Variants in NVL observed in about 807,000 individuals in gnomAD.
NVL encodes the protein nuclear valosin-containing protein-like.
Under a neutral mutation model 110.2 loss-of-function variants are expected in NVL, and 84 were observed. The ratio of observed to expected loss-of-function variants is 0.76; its 90% CI spans 0.64 to 0.91. NVL has a LOEUF of 0.91. NVL is among the 40% of genes least tolerant of loss of function. The pLI, the probability that NVL is intolerant of heterozygous loss-of-function variation, is 0.00. For synonymous variants in NVL, 354 were observed against 361.1 expected, an observed-to-expected ratio of 0.98 and a Z score of 0.22; for missense variants, 882 against 1,035.9, an observed-to-expected ratio of 0.85 and a Z score of 2.04.
intron 20 of NVL, 76 bp from the exon 21 acceptor site, chr1:224,233,365 C>A: frequency 1.0e-6 from 1 of 991,970 alleles, no homozygotes; most frequent in East Asian, 2.7e-5. Flanking sequence ...AAACAGTTTT[C>A]ATATAAGTCA....
intron 6 of NVL, among the ~76,000 whole-genome samples, chr1:224,306,953 A>G (rs1256633834): frequency 1.3e-5 from 2 of 152,008 alleles, no homozygotes; most frequent in Admixed American, 6.5e-5. Flanking sequence ...CTATTAATAA[A>G]TAAAAAGGGG....
At chr1:224,247,200 C>T (rs539282215) in intron 19 of NVL, among the ~76,000 whole-genome samples, 14 of 151,948 alleles carry the variant, frequency 9.2e-5, no homozygotes, top group Non-Finnish European at 1.8e-4. Context: ...CATTTTGAGT[C>T]GGATAATACT....
intron 19 of NVL, among the ~76,000 whole-genome samples, chr1:224,247,497 C>T (rs1294247302): frequency 7.9e-5 from 12 of 151,964 alleles, no homozygotes; most frequent in African/African-American, 2.7e-4. Context: ...GGTGAAACCC[C>T]GTCTCTACTA....
intron 11 of NVL, among the ~76,000 whole-genome samples, chr1:224,295,228 T>C (rs1667761754): frequency 6.6e-6 from 1 of 152,098 alleles, no homozygotes; most frequent in African/African-American, 2.4e-5. Context: ...AGTCTCGCTC[T>C]GTCGCCCAGG....
At chr1:224,303,640 G>A in intron 9 of NVL, 83 bp downstream of exon 9, 1 of 1,451,200 alleles carries the variant, frequency 6.9e-7, no homozygotes, top group East Asian at 2.3e-5. Flanking sequence ...GCCATGTCTG[G>A]TTTAAGTTGA....
chr1:224,318,518 C>T (rs1393469066), intron 2 of NVL, among the ~76,000 whole-genome samples: 7 of 151,498 alleles, frequency 4.6e-5, no homozygotes, highest in Admixed American at 3.3e-4. Context: ...GGGAGAACAG[C>T]TTGAGTCTGG....
chr1:224,241,557 C>T (rs1661192928), intron 19 of NVL, among the ~76,000 whole-genome samples: 1 of 151,848 alleles, frequency 6.6e-6, no homozygotes. Context: ...GGAAAATAGT[C>T]TCTTAAGGAA....
At chr1:224,277,241 G>T (rs1378838839) in intron 16 of NVL, among the ~76,000 whole-genome samples, 1 of 152,118 alleles carries the variant, frequency 6.6e-6, no homozygotes, top group East Asian at 1.9e-4. Context: ...GTCCTATTCA[G>T]ATTTTTCTGT....
At chr1:224,277,934 T>C (rs1558294545) in intron 16 of NVL, among the ~76,000 whole-genome samples, 1 of 152,206 alleles carries the variant, frequency 6.6e-6, no homozygotes, top group Admixed American at 6.5e-5. Flanking sequence ...CGGTCTCCTT[T>C]ACCAGATCTT....
In NVL at chr1:224,228,692, C is replaced by A. The variant is rs185661878; in HGVS notation, c.2527-1022G>T. Among the ~76,000 whole-genome samples, 379 of 150,198 alleles carry A rather than the reference C, an allele frequency of 2.5e-3. 1 individual carries two copies. The highest frequency in any genetic ancestry group is 8.4e-3 in the African/African-American group (346 of 41,190). On this transcript the variant is annotated intron_variant, in intron 22 of 22. Coordinates refer to ENST00000281701, the MANE Select transcript of NVL (RefSeq NM_002533.4). ...CGGTGGCTCACACCTGTAATCCCAGCACTTTGGGAGGCTGAGATGGGTGGA... is the reference window on the plus strand; with the variant it reads ...CGGTGGCTCACACCTGTAATCCCAGAACTTTGGGAGGCTGAGATGGGTGGA...
At chr1:224,265,884 C>T (rs1664452319) in intron 18 of NVL, among the ~76,000 whole-genome samples, 1 of 152,214 alleles carries the variant, frequency 6.6e-6, no homozygotes, top group African/African-American at 2.4e-5. Context: ...CCTCCTGTCT[C>T]AACCTCGTAA....
At position 224,227,554 on chromosome 1, in the gene NVL, G is replaced by A; in HGVS notation, c.*72C>T. ...CGCGCCTGTGTCCAGCTGAAAGTGG[G>A]TCCTTCAGAGCGTGTGGGGGATTCT... On this transcript the variant is annotated 3_prime_UTR_variant, in exon 23 of 23. Transcript: ENST00000281701. The A allele has an allele frequency of 1.4e-6, 2 of 1,393,648 alleles. No individual in the cohort carries two copies. Among genetic ancestry groups the A allele is most frequent in the Non-Finnish European group, 2.0e-6 (2 of 1,001,748 alleles). 86.3% of individuals were successfully genotyped at this position (1,393,648 alleles called of 1,614,324 possible).
chr1:224,322,215 A>G (rs6426109), intron 2 of NVL, among the ~76,000 whole-genome samples: 150,325 of 151,756 alleles, frequency 0.99, 74,476 homozygotes, highest in East Asian at 1. Flanking sequence ...TGAGTAGCTA[A>G]GACAGACTAC....
chr1:224,281,747 G>A (rs530478396), intron 15 of NVL, among the ~76,000 whole-genome samples: 1 of 151,556 alleles, frequency 6.6e-6, no homozygotes, highest in Admixed American at 6.6e-5. Flanking sequence ...GAGGTCAGGA[G>A]TTTGAGACCA....
chr1:224,275,236 C>T, intron 17 of NVL, 103 bp downstream of exon 17: 1 of 1,321,742 alleles, frequency 7.6e-7, no homozygotes, highest in South Asian at 1.3e-5. Flanking sequence ...TTAAGAGTCT[C>T]AATGCTCCCA....
At chr1:224,265,954 A>G (rs1482507745) in intron 18 of NVL, among the ~76,000 whole-genome samples, 1 of 152,086 alleles carries the variant, frequency 6.6e-6, no homozygotes, top group Non-Finnish European at 1.5e-5. Context: ...TTTCTTTTTT[A>G]ATGTCTACTC....
At chr1:224,234,480 T>A (rs1660250708) in intron 20 of NVL, among the ~76,000 whole-genome samples, 1 of 151,254 alleles carries the variant, frequency 6.6e-6, no homozygotes, top group Non-Finnish European at 1.5e-5. Context: ...TGAGATGGAG[T>A]CTTGCTCTGT....
At chr1:224,285,960 G>GT in intron 15 of NVL, 66 bp downstream of exon 15, 1 of 1,238,726 alleles carries the variant, frequency 8.1e-7, no homozygotes, top group Non-Finnish European at 1.2e-6. Context: ...AATATTTAAA[G>GT]TTAAGTTCAT....
chr1:224,240,557 T>A (rs1178196903), intron 19 of NVL, among the ~76,000 whole-genome samples: 1 of 152,178 alleles, frequency 6.6e-6, no homozygotes, highest in Non-Finnish European at 1.5e-5. Flanking sequence ...AATTGTCAGC[T>A]TCCTATTCTT....
Sources: gnomAD v4.1 joint callset for allele counts (sites outside exome capture counted in the v4.1 genomes callset) on GRCh38, gnomAD v4.1.1 for gene constraint, MANE v1.5 for transcripts, NCBI Gene and HGNC (gene_info 2026-07-23, HGNC 2026-07-21) for gene names.